ADGRG2: variants seen among roughly 807,000 people sequenced by gnomAD.
ADGRG2 encodes G protein-coupled receptor 64.
In ADGRG2, 26 loss-of-function variants were observed where a neutral mutation model predicts 74.1. The ratio of observed to expected loss-of-function variants is 0.35; its 90% CI spans 0.26 to 0.49. ADGRG2 has a LOEUF of 0.49. Ranked by LOEUF, ADGRG2 falls within the 20% of genes least tolerant of loss-of-function variation. The pLI is 0.99. For synonymous variants in ADGRG2, 296 were observed against 295.2 expected (o/e 1.00, Z -0.03); for missense variants, 619 against 763.1 (o/e 0.81, Z 2.22).
chrX:19,070,945 C>T (rs2061644319), intron 2 of ADGRG2, among the ~76,000 whole-genome samples: 1 of 111,553 alleles, frequency 9.0e-6, no homozygotes, highest in Non-Finnish European at 1.9e-5. Flanking sequence ...ACTGTGAATG[C>T]ACTGTAAATG....
At chrX:19,003,534 T>C (rs1225788240) in intron 23 of ADGRG2, among the ~76,000 whole-genome samples, 4 of 111,357 alleles carry the variant, frequency 3.6e-5, no homozygotes, top group Non-Finnish European at 7.5e-5. Context: ...AATGTCTATA[T>C]GCATAAATTT....
intron 22 of ADGRG2, among the ~76,000 whole-genome samples, chrX:19,005,554 C>CT (rs72423142): frequency 0.021 from 2,017 of 95,601 alleles, 24 homozygotes; most frequent in Non-Finnish European, 0.031. Context: ...ATCTCTCTCT[C>CT]TTTTTTTTTT....
intron 16 of ADGRG2, among the ~76,000 whole-genome samples, chrX:19,012,770 C>G (rs891169765): frequency 9.0e-6 from 1 of 110,879 alleles, no homozygotes; most frequent in Non-Finnish European, 1.9e-5. Context: ...GAGGTGGGTA[C>G]CAAAATCAAT....
chrX:19,009,799 G>A lies in ADGRG2; in HGVS notation c.1266-17C>T, dbSNP rs770572703. On this transcript the variant is annotated splice_polypyrimidine_tract_variant and intron_variant, in intron 17 of 28. Coordinates refer to ENST00000379869, the MANE Select transcript of ADGRG2 (RefSeq NM_001079858.3). ...TTCAGCAATCTGTAAAGAAAGGTTG[G>A]CAGTTTATTATTTATTTATTTATTT... 1.7e-6 allele frequency: 2 copies of A among 1,152,328 alleles called. No individual in the cohort carries two copies. The highest frequency in any genetic ancestry group is 2.3e-6 in the Non-Finnish European group (2 of 851,173). 95.0% of individuals were successfully genotyped at this position (1,152,328 alleles called of 1,213,427 possible).
chrX:19,005,620 T>C lies in ADGRG2; in HGVS notation c.1839+382A>G, dbSNP rs150166918. ...CCAGACTGGAGTACAATGGTGTGAT[T>C]TCGGCTTACTGCAACCTCTGCCTCC... On this transcript the variant is annotated intron_variant, in intron 22 of 28. Coordinates refer to ENST00000379869, the MANE Select transcript of ADGRG2 (RefSeq NM_001079858.3). 5.8e-3 allele frequency among the ~76,000 whole-genome samples: 627 copies of C among 107,918 alleles called. 4 individuals are homozygous for C. The highest frequency in any genetic ancestry group is 0.02 in the African/African-American group (594 of 29,457). The allele number at this position is 107,918 out of a possible 115,157, so 93.7% of individuals were successfully genotyped here. A position where few individuals can be genotyped will look rare whatever the true frequency, so the allele number is the denominator to read the frequency against.
At chrX:19,078,648 TAGAG>T (rs2061793779) in intron 2 of ADGRG2, among the ~76,000 whole-genome samples, 1 of 109,680 alleles carries the variant, frequency 9.1e-6, no homozygotes, top group African/African-American at 3.3e-5. Flanking sequence ...CAGCTAAAGA[TAGAG>T]TGAAAATTAT....
At chrX:19,060,287 C>T (rs974884130) in intron 3 of ADGRG2, among the ~76,000 whole-genome samples, 9 of 112,622 alleles carry the variant, frequency 8.0e-5, no homozygotes, top group Non-Finnish European at 1.5e-4. Context: ...CAAGAGATTA[C>T]TGGCTTTGTT....
intron 16 of ADGRG2, 36 bp from the exon 17 acceptor site, chrX:19,010,814 A>C: frequency 9.4e-7 from 1 of 1,063,582 alleles, no homozygotes; most frequent in Non-Finnish European, 1.3e-6. Flanking sequence ...ATGAACACAC[A>C]ATGGAAAACC....
chrX:19,000,090 T>G (rs1049614136), intron 24 of ADGRG2, 130 bp from the exon 25 acceptor site: 24 of 403,652 alleles, frequency 5.9e-5, no homozygotes, highest in Non-Finnish European at 9.9e-5. Flanking sequence ...GCCTCCTGGG[T>G]TCAAGTGATT....
At chrX:19,004,011 T>C (rs1277739978) in intron 23 of ADGRG2, among the ~76,000 whole-genome samples, 1 of 112,484 alleles carries the variant, frequency 8.9e-6, no homozygotes, top group Admixed American at 9.4e-5. Flanking sequence ...GTCTCACTAA[T>C]AATATTTCCA....
At chrX:19,121,801 C>T (rs1048111467) in intron 1 of ADGRG2, among the ~76,000 whole-genome samples, 1 of 111,564 alleles carries the variant, frequency 9.0e-6, no homozygotes, top group African/African-American at 3.3e-5. Context: ...CAGCTCTCTT[C>T]TTCCCCCTCA....
chrX:19,090,148 C>T (rs2061995296), intron 1 of ADGRG2, among the ~76,000 whole-genome samples: 1 of 111,593 alleles, frequency 9.0e-6, no homozygotes. Flanking sequence ...TCCCTCTATA[C>T]ACTCCCTCTG....
At chrX:19,097,260 T>C (rs187241475) in intron 1 of ADGRG2, among the ~76,000 whole-genome samples, 36 of 112,793 alleles carry the variant, frequency 3.2e-4, no homozygotes, top group African/African-American at 9.3e-4. Context: ...GCCTGTAATC[T>C]CAGCACTTTG....
intron 15 of ADGRG2, among the ~76,000 whole-genome samples, chrX:19,015,049 A>G (rs2060440325): frequency 8.9e-6 from 1 of 111,798 alleles, no homozygotes; most frequent in South Asian, 3.7e-4. Context: ...GGTGATTTTC[A>G]TGGGCATCAA....
chrX:19,056,455 T>C (rs2061411993), intron 3 of ADGRG2, among the ~76,000 whole-genome samples: 1 of 111,640 alleles, frequency 9.0e-6, no homozygotes. Context: ...TCCTAGCGAA[T>C]GTTCATATCG....
chrX:19,021,588 T>G (rs2060589501), intron 13 of ADGRG2, among the ~76,000 whole-genome samples: 1 of 111,541 alleles, frequency 9.0e-6, no homozygotes, highest in South Asian at 3.8e-4. Flanking sequence ...TCCATAAACA[T>G]TTGAGTTTCC....
At chrX:19,030,622 T>C (rs1348861996) in intron 9 of ADGRG2, among the ~76,000 whole-genome samples, 1 of 112,294 alleles carries the variant, frequency 8.9e-6, no homozygotes, top group Non-Finnish European at 1.9e-5. Context: ...ATGGAAAAGC[T>C]TGACAGATTT....
intron 16 of ADGRG2, 27 bp from the exon 17 acceptor site, chrX:19,010,805 T>C: frequency 8.9e-7 from 1 of 1,122,311 alleles, no homozygotes; most frequent in South Asian, 2.0e-5. Flanking sequence ...AATCGTGTTA[T>C]GAACACACAA....
chrX:19,049,060 C>T (rs182328397), intron 3 of ADGRG2, among the ~76,000 whole-genome samples: 177 of 112,154 alleles, frequency 1.6e-3, no homozygotes, highest in African/African-American at 5.2e-3. Context: ...ATCCTGGCCT[C>T]CCTGCCGTTT....
Sources: gnomAD v4.1 joint callset for allele counts (sites outside exome capture counted in the v4.1 genomes callset) on GRCh38, gnomAD v4.1.1 for gene constraint, MANE v1.5 for transcripts, NCBI Gene and HGNC (gene_info 2026-07-23, HGNC 2026-07-21) for gene names.